ADCY9: variants seen among roughly 807,000 people sequenced by gnomAD.
ADCY9 encodes adenylate cyclase 9, also known as adenylate cyclase type 9.
Under a neutral mutation model 101.5 loss-of-function variants are expected in ADCY9, and 50 were observed. The ratio of observed to expected loss-of-function variants is 0.49; its 90% confidence interval spans 0.39 to 0.62. The LOEUF is 0.62. Among genes scored for constraint, ADCY9 ranks in the 20% least tolerant of loss-of-function variants. The pLI, the probability that ADCY9 is intolerant of heterozygous loss-of-function variation, is 0.00. For synonymous variants in ADCY9, 905 were observed against 769.3 expected, an observed-to-expected ratio of 1.18 and a Z score of -2.92; for missense variants, 1,662 against 1,800.4, an observed-to-expected ratio of 0.92 and a Z score of 1.39.
intron 2 of ADCY9, among the ~76,000 whole-genome samples, chr16:4,031,832 G>A (rs1409036902): frequency 1.3e-5 from 2 of 151,910 alleles, no homozygotes; most frequent in South Asian, 2.1e-4. Flanking sequence ...AGCCATCATC[G>A]TGCCACTACA....
intron 2 of ADCY9, among the ~76,000 whole-genome samples, chr16:4,017,643 C>CAAAAAA (rs60693958): frequency 1.1e-5 from 1 of 87,262 alleles, no homozygotes; most frequent in African/African-American, 3.9e-5. Context: ...AACTCCTTCT[C>CAAAAAA]AAAAAAAAAA....
chr16:4,077,285 C>T (rs375199917), intron 2 of ADCY9, among the ~76,000 whole-genome samples: 28 of 152,262 alleles, frequency 1.8e-4, no homozygotes, highest in African/African-American at 6.3e-4. Flanking sequence ...CCCGAGGACA[C>T]TTCCTGTGAC....
At chr16:4,004,308 T>C (rs2056352596) in intron 3 of ADCY9, among the ~76,000 whole-genome samples, 1 of 150,814 alleles carries the variant, frequency 6.6e-6, no homozygotes, top group Non-Finnish European at 1.5e-5. Context: ...GGGTTCCCTT[T>C]GAGCTATGAC....
chr16:4,032,874 T>C (rs1262203532), intron 2 of ADCY9: 1 of 152,256 alleles, frequency 6.6e-6, no homozygotes, highest in East Asian at 1.9e-4. Flanking sequence ...CAGAGCTGCA[T>C]GCCGGTGCAT....
chr16:3,999,319 G>A (rs181898384), intron 3 of ADCY9, among the ~76,000 whole-genome samples: 3 of 152,234 alleles, frequency 2.0e-5, no homozygotes, highest in Non-Finnish European at 4.4e-5. Flanking sequence ...TGAACAAGTC[G>A]GGCCCCCATC....
chr16:3,987,595 G>C (rs939711988), intron 6 of ADCY9, among the ~76,000 whole-genome samples: 5 of 152,188 alleles, frequency 3.3e-5, no homozygotes, highest in Non-Finnish European at 5.9e-5. Flanking sequence ...CTGCCAACTT[G>C]CAAGTCCACT....
chr16:4,088,426 G>C (rs931604250), intron 2 of ADCY9, among the ~76,000 whole-genome samples: 2 of 151,632 alleles, frequency 1.3e-5, no homozygotes, highest in African/African-American at 4.8e-5. Flanking sequence ...AGAGTAGTTG[G>C]GACTACAGGC....
At chr16:4,110,926 A>C (rs1047399609) in intron 2 of ADCY9, among the ~76,000 whole-genome samples, 1 of 151,772 alleles carries the variant, frequency 6.6e-6, no homozygotes, top group Non-Finnish European at 1.5e-5. Context: ...TGGCATCTGA[A>C]CCCCGCCTCT....
At chr16:4,107,410 G>A (rs942461887) in intron 2 of ADCY9, among the ~76,000 whole-genome samples, 2 of 151,968 alleles carry the variant, frequency 1.3e-5, no homozygotes, top group African/African-American at 4.8e-5. Context: ...AATTAGCCGG[G>A]CGTGGTGGCG....
At chr16:3,996,243 T>A (rs1266633363) in intron 3 of ADCY9, among the ~76,000 whole-genome samples, 1 of 152,080 alleles carries the variant, frequency 6.6e-6, no homozygotes, top group South Asian at 2.1e-4. Context: ...GTGCCTGTGG[T>A]CCCAGCCACT....
chr16:3,993,461 G>A lies in ADCY9; in HGVS notation c.1934C>T (p.Ala645Val), dbSNP rs915966240. ...ITFAPKSEAG[A>V]EGGAPQNGCQ... Reference sequence around the variant, plus strand: ...GCCGTTTTGAGGTGCTCCTCCCTCGGCGCCGGCTTCAGATTTGGGAGCAAA... The same window carrying A: ...GCCGTTTTGAGGTGCTCCTCCCTCGACGCCGGCTTCAGATTTGGGAGCAAA... The change falls in exon 4 of 11, where the codon GCC becomes GTC. Residue 645 changes from alanine to valine, a missense_variant. Coordinates refer to ENST00000294016, the MANE Select transcript of ADCY9 (RefSeq NM_001116.4). 5.6e-6 allele frequency: 9 copies of A among 1,614,208 alleles called. No individual in the cohort carries two copies. Among genetic ancestry groups the A allele is most frequent in the Non-Finnish European group, 6.8e-6 (8 of 1,180,034 alleles).
In ADCY9 at chr16:4,113,065, G is replaced by A. The variant is rs542932226; in HGVS notation, c.1693+685C>T. Among the ~76,000 whole-genome samples the A allele has an allele frequency of 2.6e-5, 4 of 152,086 alleles. No homozygotes were observed. The East Asian group carries it at 7.7e-4, about 29-fold the overall frequency. On this transcript the variant is annotated intron_variant, in intron 2 of 10. Transcript: ENST00000294016. ...TACGTTTCTCCCTTCCAAATCACCT[G>A]GTGGCTGGAGAAGCTCAATATGAAG...
intron 2 of ADCY9, among the ~76,000 whole-genome samples, chr16:4,018,214 CTT>C (rs771932084): frequency 0.096 from 13,513 of 141,214 alleles, 766 homozygotes; most frequent in East Asian, 0.29. Flanking sequence ...ATATTCTTCT[CTT>C]TTTTTTTTTT....
chr16:4,104,962 G>C (rs577152149), intron 2 of ADCY9, among the ~76,000 whole-genome samples: 12 of 151,934 alleles, frequency 7.9e-5, no homozygotes, highest in African/African-American at 2.2e-4. Flanking sequence ...CCAGCTACTC[G>C]AGAGGCTGAG....
chr16:4,113,934 C>T lies in ADCY9; in HGVS notation c.1509G>A (p.Arg503=). Reference sequence around the variant, plus strand: ...TGGACCACACGTCAAATTTAAACCTCCTCATGCCCAGGATGCCGCAAAGGA... The same window carrying T: ...TGGACCACACGTCAAATTTAAACCTTCTCATGCCCAGGATGCCGCAAAGGA... ...GTVLCGILGM[R]RFKFDVWSND... Residue 503 remains arginine, a synonymous_variant, in exon 2 of 11, where the codon AGG becomes AGA. Transcript: ENST00000294016. The T allele has an allele frequency of 1.9e-6, 3 of 1,614,142 alleles. No individual in the cohort carries two copies. The highest frequency in any genetic ancestry group is 2.5e-6 in the Non-Finnish European group (3 of 1,180,026).
chr16:4,063,346 T>G (rs1567134043), intron 2 of ADCY9, among the ~76,000 whole-genome samples: 1 of 151,626 alleles, frequency 6.6e-6, no homozygotes, highest in African/African-American at 2.4e-5. Flanking sequence ...CTATGAGAAG[T>G]ACTTAGGGAG....
At chr16:4,001,180 C>T (rs2056327948) in intron 3 of ADCY9, among the ~76,000 whole-genome samples, 1 of 152,150 alleles carries the variant, frequency 6.6e-6, no homozygotes, top group African/African-American at 2.4e-5. Flanking sequence ...CTGATGTCCC[C>T]AGTTTCCGCA....
intron 10 of ADCY9, among the ~76,000 whole-genome samples, chr16:3,969,290 CG>C (rs1359521751): frequency 4.6e-5 from 7 of 151,582 alleles, no homozygotes; most frequent in Non-Finnish European, 7.4e-5. Flanking sequence ...CTCTCTAGCC[CG>C]GGCTGGCATG....
intron 2 of ADCY9, among the ~76,000 whole-genome samples, chr16:4,087,186 T>C (rs1347358007): frequency 2.6e-5 from 4 of 152,018 alleles, no homozygotes; most frequent in African/African-American, 7.2e-5. Flanking sequence ...TCCTCTTTTA[T>C]GGTGAGGTTT....
Sources: allele counts gnomAD v4.1 joint callset (sites outside exome capture counted in the v4.1 genomes callset), GRCh38; gene constraint gnomAD v4.1.1; transcripts MANE v1.5; gene names NCBI Gene and HGNC (gene_info 2026-07-23, HGNC 2026-07-21).